The following DLG2 variants were observed in gnomAD, a reference collection of about 807,000 sequenced individuals.
DLG2 encodes disks large homolog 2.
Under a neutral mutation model 132.5 loss-of-function variants are expected in DLG2, and 45 were observed. The observed-to-expected ratio is 0.34, with a 90% CI of 0.27 to 0.44. The LOEUF is 0.44. Among genes scored for constraint, DLG2 ranks in the 20% least tolerant of loss-of-function variants. The pLI is 1.00. For missense variants in DLG2, 1,045 were observed against 1,196.9 expected (o/e 0.87, Z 1.87); for synonymous variants, 424 against 419.6 (o/e 1.01, Z -0.13).
chr11:83,544,086 T>C (rs1296748834), intron 19 of DLG2, among the ~76,000 whole-genome samples: 1 of 152,200 alleles, frequency 6.6e-6, no homozygotes, highest in African/African-American at 2.4e-5. Context: ...CCCTGGTAGA[T>C]AACATTTCGC....
chr11:84,502,163 TC>T (rs2099209394), intron 7 of DLG2, among the ~76,000 whole-genome samples: 1 of 60,996 alleles, frequency 1.6e-5, no homozygotes, highest in African/African-American at 1.3e-4. Context: ...CCTTCCTTTC[TC>T]TCTCTCTCTC....
intron 21 of DLG2, chr11:83,486,361 A>AG (rs2093505640): frequency 1.7e-6 from 1 of 574,540 alleles, no homozygotes; most frequent in Admixed American, 3.3e-5. Context: ...CAAAAAAAAA[A>AG]AATTACACAT....
intron 7 of DLG2, among the ~76,000 whole-genome samples, chr11:84,322,291 A>G (rs1337729864): frequency 6.6e-6 from 1 of 152,212 alleles, no homozygotes; most frequent in Non-Finnish European, 1.5e-5. Flanking sequence ...TTTAGTATGG[A>G]TTAGTGGCAT....
At chr11:83,577,184 G>A (rs2096886450) in intron 19 of DLG2, among the ~76,000 whole-genome samples, 1 of 151,882 alleles carries the variant, frequency 6.6e-6, no homozygotes, top group Admixed American at 6.6e-5. Context: ...TCCTGCCCTC[G>A]AACATCGGAC....
intron 6 of DLG2, among the ~76,000 whole-genome samples, chr11:84,600,337 T>C (rs1394475341): frequency 6.6e-6 from 1 of 152,106 alleles, no homozygotes; most frequent in African/African-American, 2.4e-5. Flanking sequence ...TCCCTAGCCA[T>C]CATACCATCA....
intron 7 of DLG2, among the ~76,000 whole-genome samples, chr11:84,332,019 G>T (rs1474690686): frequency 6.6e-6 from 1 of 152,044 alleles, no homozygotes; most frequent in African/African-American, 2.4e-5. Context: ...TCTGCAGAAA[G>T]GTCATTTATT....
intron 6 of DLG2, among the ~76,000 whole-genome samples, chr11:84,834,110 G>C (rs1262740066): frequency 6.6e-6 from 1 of 151,712 alleles, no homozygotes; most frequent in Non-Finnish European, 1.5e-5. Flanking sequence ...AAACCCTTTA[G>C]AGAGGACAGT....
At chr11:84,236,714 A>G (rs557628081) in intron 8 of DLG2, among the ~76,000 whole-genome samples, 1 of 152,312 alleles carries the variant, frequency 6.6e-6, no homozygotes, top group East Asian at 1.9e-4. Context: ...TTTATTGCCT[A>G]TATAATAAGC....
intron 7 of DLG2, among the ~76,000 whole-genome samples, chr11:84,293,357 A>G (rs1448264157): frequency 4.6e-5 from 7 of 151,932 alleles, no homozygotes; most frequent in Non-Finnish European, 5.9e-5. Context: ...AGGTCATCAC[A>G]CCCTACTTTT....
At chr11:84,773,642 C>T (rs757078864) in intron 6 of DLG2, among the ~76,000 whole-genome samples, 37 of 152,044 alleles carry the variant, frequency 2.4e-4, no homozygotes, top group East Asian at 1.4e-3. Context: ...GCAAATAATA[C>T]GAAAATCAAT....
At chr11:83,607,143 C>A (rs2059467156) in intron 19 of DLG2, among the ~76,000 whole-genome samples, 1 of 152,248 alleles carries the variant, frequency 6.6e-6, no homozygotes, top group South Asian at 2.1e-4. Context: ...GGATTGGTTA[C>A]AGTTGGTGTT....
chr11:84,885,691 T>C (rs1391716151), intron 6 of DLG2, among the ~76,000 whole-genome samples: 1 of 152,124 alleles, frequency 6.6e-6, no homozygotes, highest in Admixed American at 6.6e-5. Context: ...TGTAGCACAG[T>C]ACCTGGTGCA....
intron 18 of DLG2, among the ~76,000 whole-genome samples, chr11:83,636,696 AC>A (rs2064948243): frequency 6.6e-6 from 1 of 152,154 alleles, no homozygotes; most frequent in East Asian, 1.9e-4. Context: ...TTTTTGTAAC[AC>A]AATAGAATAC....
chr11:84,835,131 T>C (rs2079573778), intron 6 of DLG2, among the ~76,000 whole-genome samples: 1 of 151,632 alleles, frequency 6.6e-6, no homozygotes, highest in African/African-American at 2.4e-5. Context: ...GGTAATATTA[T>C]TTAGGAAATT....
At chr11:84,319,015 T>A (rs1156952802) in intron 7 of DLG2, among the ~76,000 whole-genome samples, 2 of 152,214 alleles carry the variant, frequency 1.3e-5, no homozygotes, top group Non-Finnish European at 2.9e-5. Context: ...ACTATTCCTT[T>A]AAAGTTAAAT....
chr11:83,683,186 G>A (rs893752780), intron 18 of DLG2, among the ~76,000 whole-genome samples: 1 of 152,094 alleles, frequency 6.6e-6, no homozygotes, highest in East Asian at 1.9e-4. Context: ...AATATGTTTT[G>A]GATAATAATA....
chr11:84,305,297 T>A (rs539591440), intron 7 of DLG2, among the ~76,000 whole-genome samples: 86 of 152,214 alleles, frequency 5.6e-4, no homozygotes, highest in African/African-American at 2.0e-3. Context: ...TAAATTTGGA[T>A]TTAAATGGAA....
chr11:85,494,681 T>A (rs940018981), intron 3 of DLG2, among the ~76,000 whole-genome samples: 4 of 151,486 alleles, frequency 2.6e-5, no homozygotes, highest in Non-Finnish European at 5.9e-5. Flanking sequence ...ATGAATCTCA[T>A]AAAAATGATA....
chr11:83,534,929 C>T (rs1293782642), intron 20 of DLG2, among the ~76,000 whole-genome samples: 3 of 152,084 alleles, frequency 2.0e-5, no homozygotes, highest in African/African-American at 4.8e-5. Flanking sequence ...GGTGACACAG[C>T]GAGACTTCGT....
Sources: allele counts gnomAD v4.1 joint callset (sites outside exome capture counted in the v4.1 genomes callset), GRCh38; gene constraint gnomAD v4.1.1; transcripts MANE v1.5; gene names NCBI Gene and HGNC (gene_info 2026-07-23, HGNC 2026-07-21).